Variants in SNAPC2 observed in about 807,000 individuals in gnomAD.
SNAPC2 encodes the protein snRNA-activating protein complex subunit 2.
SNAPC2 carries 27 observed loss-of-function variants against 22.9 expected under a neutral mutation model. The observed-to-expected ratio is 1.18, with a 90% CI of 0.87 to 1.63. The LOEUF is 1.63. Among genes scored for constraint, SNAPC2 ranks in the 40% most tolerant of loss-of-function variants. The pLI is 0.00. For missense variants in SNAPC2, 570 were observed against 449.1 expected (o/e 1.27, Z -2.43); for synonymous variants, 272 against 201.0 (o/e 1.35, Z -2.99).
chr19:7,921,461 C>G lies in SNAPC2; in HGVS notation c.222C>G (p.Ala74=). Residue 74 remains alanine (A), a synonymous_variant, in exon 2 of 5, where the codon GCC becomes GCG. Coordinates refer to ENST00000221573, the MANE Select transcript of SNAPC2 (RefSeq NM_003083.4). ...VFLQQLKGRV[A]REAIQKVHPG... ...TCCAGCAGCTCAAGGGCCGCGTAGC[C>G]CGGGAGGCCATTCAGAAAGTGCATC... is the stretch of plus-strand genomic sequence containing the variant. 1 of 1,613,842 alleles carries G rather than the reference C, an allele frequency of 6.2e-7. No individual in the cohort carries two copies. Among genetic ancestry groups the G allele is most frequent in the East Asian group, 2.2e-5 (1 of 44,884 alleles).
In SNAPC2 at chr19:7,922,193, C is replaced by T. The variant is rs773091798; in HGVS notation, c.531C>T (p.Ser177=). Reference sequence around the variant, plus strand: ...GCTCTGCCCCTGCTGCACCTAGCTCCGCACCCAGGACTCCTGACCCTGCCC... The same window carrying T: ...GCTCTGCCCCTGCTGCACCTAGCTCTGCACCCAGGACTCCTGACCCTGCCC... ...IPSSAPAAPS[S]APRTPDPAPE... Residue 177 remains serine (S), a synonymous_variant, in exon 4 of 5, where the codon TCC becomes TCT. Transcript: ENST00000221573. 25 of 1,614,028 alleles carry T rather than the reference C, an allele frequency of 1.5e-5. No homozygotes were observed. The East Asian group carries it at 1.6e-4, about 10-fold the overall frequency.
intron 2 of SNAPC2, 42 bp downstream of exon 2, chr19:7,921,584 C>T (rs771739530): frequency 1.9e-6 from 3 of 1,604,132 alleles, no homozygotes; most frequent in South Asian, 2.2e-5. Context: ...GGGCAGGTCC[C>T]TGGTGGGTAG....
At chr19:7,921,605 C>G in intron 2 of SNAPC2, 63 bp downstream of exon 2, 1 of 1,601,378 alleles carries the variant, frequency 6.2e-7, no homozygotes, top group African/African-American at 1.3e-5. Flanking sequence ...GTGGGAGTTG[C>G]GGGGGATAAC....
At chr19:7,920,779 A>T in intron 1 of SNAPC2, 1 of 135,816 alleles carries the variant, frequency 7.4e-6, no homozygotes, top group Non-Finnish European at 1.2e-5. Context: ...TGGGAGCTAG[A>T]CGTGGGCGGG....
chr19:7,922,620 G>A lies in SNAPC2; in HGVS notation c.861G>A (p.Lys287=), dbSNP rs1983624195. The part of the protein sequence containing the change: ...PAAEGDGAGS[K]APEETPPATE... ...CAGAAGGGGATGGGGCTGGCTCCAA[G>A]GCACCAGAGGAGACCCCCCCAGCCA... Residue 287 remains lysine (K), a synonymous_variant, in exon 5 of 5, where the codon AAG becomes AAA. Transcript: ENST00000221573. 1 of 1,613,566 alleles carries A rather than the reference G, an allele frequency of 6.2e-7. No individual in the cohort carries two copies. The highest frequency in any genetic ancestry group is 8.5e-7 in the Non-Finnish European group (1 of 1,179,932).
chr19:7,922,078 C>T lies in SNAPC2; in HGVS notation c.416C>T (p.Ser139Phe). The change falls in exon 4 of 5, where the codon TCC (serine) becomes TTC (phenylalanine). Residue 139 changes from serine (S) to phenylalanine (F), a missense_variant. By Grantham distance (155) the Ser-to-Phe change is radical. Coordinates refer to ENST00000221573, the MANE Select transcript of SNAPC2 (RefSeq NM_003083.4). The part of the protein sequence containing the change: ...AATEPVTLLH[S>F]KPPKPTQARG... Reference sequence around the variant, plus strand: ...ACGGAACCGGTCACCCTCCTGCACTCCAAGCCCCCCAAGCCCACGCAGGCC... The same window carrying T: ...ACGGAACCGGTCACCCTCCTGCACTTCAAGCCCCCCAAGCCCACGCAGGCC... 2 of 1,613,520 alleles carry T rather than the reference C, an allele frequency of 1.2e-6. No individual in the cohort carries two copies. Among genetic ancestry groups the T allele is most frequent in the Non-Finnish European group, 1.7e-6 (2 of 1,179,682 alleles).
Position 7,922,428 on chromosome 19 carries a change from C to G in SNAPC2, c.686-17C>G. ...GGCAGGGGTGTCCCCTTACCCCTCT[C>G]CTCCATCCATCACTAGAGTCCGCTG... On this transcript the variant is annotated splice_polypyrimidine_tract_variant and intron_variant, in intron 4 of 4. Transcript: ENST00000221573. 1 of 1,581,670 alleles carries G rather than the reference C, an allele frequency of 6.3e-7. No homozygotes were observed. Among genetic ancestry groups the G allele is most frequent in the East Asian group, 2.2e-5 (1 of 44,564 alleles).
At chr19:7,921,205 G>T (rs1983558959) in intron 1 of SNAPC2, 1 of 1,416,558 alleles carries the variant, frequency 7.1e-7, no homozygotes, top group African/African-American at 1.4e-5. Flanking sequence ...CTGCGTGAAG[G>T]AGCCGGAACT....
rs1560122 is a variant in SNAPC2 at position 7,922,952 on chromosome 19, G to T, written c.*188G>T. The T allele has an allele frequency of 0.036, 19,829 of 547,218 alleles. 505 individuals carry two copies. The highest frequency in any genetic ancestry group is 0.087 in the Admixed American group (2,520 of 28,946). The allele number at this position is 547,218 out of a possible 1,614,324, so 33.9% of individuals were successfully genotyped here. ...CAGAAATGGAACCCCCGTTGTACAG[G>T]GGTTGGGTGGGGGTTGCAGGACTCC... On this transcript the variant is annotated 3_prime_UTR_variant, in exon 5 of 5. Coordinates refer to ENST00000221573, the MANE Select transcript of SNAPC2 (RefSeq NM_003083.4).
In SNAPC2 at chr19:7,921,779, G is replaced by T; in HGVS notation, c.372+6G>T. On this transcript the variant is annotated splice_donor_region_variant and intron_variant, in intron 3 of 4. Coordinates refer to ENST00000221573, the MANE Select transcript of SNAPC2 (RefSeq NM_003083.4). ...TGGCAGTGGCTTTCTCGCAGGTACC[G>T]CCATTCCCCCAGGCAGGTCAGGGTG... 1.9e-6 allele frequency: 3 copies of T among 1,611,254 alleles called. No homozygotes were observed. Among genetic ancestry groups the T allele is most frequent in the Non-Finnish European group, 1.7e-6 (2 of 1,178,402 alleles).
chr19:7,922,601 G>A lies in SNAPC2; in HGVS notation c.842G>A (p.Gly281Glu), dbSNP rs1420012354. ...GGGAGCCTGGGGCCTGCAGCAGAAGGGGATGGGGCTGGCTCCAAGGCACCA... is the reference window on the plus strand; with the variant it reads ...GGGAGCCTGGGGCCTGCAGCAGAAGAGGATGGGGCTGGCTCCAAGGCACCA... Reference protein sequence around the residue: ...AGGSLGPAAEGDGAGSKAPEE... With the variant: ...AGGSLGPAAEEDGAGSKAPEE... Residue 281 changes from glycine to glutamate, a missense_variant, in exon 5 of 5, where the codon GGG (glycine) becomes GAG (glutamate). Coordinates refer to ENST00000221573, the MANE Select transcript of SNAPC2 (RefSeq NM_003083.4). 2.5e-6 allele frequency: 4 copies of A among 1,613,540 alleles called. No homozygotes were observed. In the African/African-American group the frequency reaches 5.3e-5, roughly 22 times the overall value.
At chr19:7,920,931 C>G (rs1599639994) in intron 1 of SNAPC2, 8 of 847,376 alleles carry the variant, frequency 9.4e-6, no homozygotes, top group Non-Finnish European at 1.1e-5. Context: ...GACTTAAGGG[C>G]GGGGCCGTTT....
chr19:7,920,439 A>G lies in SNAPC2; in HGVS notation c.73A>G (p.Ser25Gly). 4 of 1,567,268 alleles carry G rather than the reference A, an allele frequency of 2.6e-6. No homozygotes were observed. Among genetic ancestry groups the G allele is most frequent in the Non-Finnish European group, 3.4e-6 (4 of 1,165,302 alleles). Reference sequence around the variant, plus strand: ...CGAGGTGACCGGTCCCGCGACCTGGAGCGCTCGCGAGAAGCGGCAGCTAGT... The same window carrying G: ...CGAGGTGACCGGTCCCGCGACCTGGGGCGCTCGCGAGAAGCGGCAGCTAGT... ...LGEVTGPATW[S>G]AREKRQLVRL... The change falls in exon 1 of 5, where the codon AGC (serine) becomes GGC (glycine). Residue 25 changes from serine (S) to glycine (G), a missense_variant. Ser to Gly is a moderately conservative substitution (Grantham distance 56). Coordinates refer to ENST00000221573, the MANE Select transcript of SNAPC2 (RefSeq NM_003083.4).
intron 1 of SNAPC2, chr19:7,921,150 A>G (rs1599640152): frequency 1.5e-6 from 2 of 1,375,148 alleles, no homozygotes; most frequent in African/African-American, 2.9e-5. Flanking sequence ...GGGGACGAAG[A>G]AGGGAGTTGA....
At position 7,923,120 on chromosome 19, in the gene SNAPC2, T is replaced by C. The variant is rs574582526; in HGVS notation, c.*356T>C. ...GGCCCTCGCACATTTTCCCCCTTCC[T>C]GTACACCTCGGGGCCAGCATCCTCA... On this transcript the variant is annotated 3_prime_UTR_variant, in exon 5 of 5. Coordinates refer to ENST00000221573, the MANE Select transcript of SNAPC2 (RefSeq NM_003083.4). The C allele has an allele frequency of 8.8e-5, 22 of 250,088 alleles. No individual in the cohort carries two copies. In the Admixed American group the frequency reaches 1.1e-3, roughly 12 times the overall value. The allele number at this position is 250,088 out of a possible 1,614,324, so 15.5% of individuals were successfully genotyped here. A position where few individuals can be genotyped will look rare whatever the true frequency, so the allele number is the denominator to read the frequency against.
chr19:7,922,193 C>G lies in SNAPC2; in HGVS notation c.531C>G (p.Ser177=), dbSNP rs773091798. ...IPSSAPAAPS[S]APRTPDPAPE... is the part of the protein sequence containing the mutation. Reference sequence around the variant, plus strand: ...GCTCTGCCCCTGCTGCACCTAGCTCCGCACCCAGGACTCCTGACCCTGCCC... The same window carrying G: ...GCTCTGCCCCTGCTGCACCTAGCTCGGCACCCAGGACTCCTGACCCTGCCC... Residue 177 remains serine (S), a synonymous_variant, in exon 4 of 5, where the codon TCC becomes TCG. Coordinates refer to ENST00000221573, the MANE Select transcript of SNAPC2 (RefSeq NM_003083.4). 1.9e-6 allele frequency: 3 copies of G among 1,614,028 alleles called. No individual in the cohort carries two copies. Among genetic ancestry groups the G allele is most frequent in the Non-Finnish European group, 2.5e-6 (3 of 1,180,028 alleles).
intron 3 of SNAPC2, 85 bp from the exon 4 acceptor site, chr19:7,921,950 T>C: frequency 6.8e-7 from 1 of 1,471,690 alleles, no homozygotes; most frequent in Non-Finnish European, 9.3e-7. Flanking sequence ...AGGAGCATCT[T>C]AGGGTGGCAG....
rs773423777 is a variant in SNAPC2, at chr19:7,922,338, T to C, written c.676T>C (p.Ser226Pro). 8.1e-6 allele frequency: 13 copies of C among 1,613,046 alleles called. No individual in the cohort carries two copies. In the South Asian group the frequency reaches 1.4e-4, roughly 18 times the overall value. Residue 226 changes from serine (S) to proline (P), a missense_variant, in exon 4 of 5, where the codon TCA becomes CCA. By Grantham distance (74) the Ser-to-Pro change is moderately conservative. Transcript: ENST00000221573. Reference sequence around the variant, plus strand: ...CCGAAGTGGCCGCAGCCCCGAGCTCTCAGCAGCTGGTGAGAAGGGTGAGGG... The same window carrying C: ...CCGAAGTGGCCGCAGCCCCGAGCTCCCAGCAGCTGGTGAGAAGGGTGAGGG... ...VSRSGRSPEL[S>P]AAESAVVLDL... is the part of the protein sequence containing the mutation.
rs562999658 is a variant in SNAPC2, at chr19:7,923,148, T to A, written c.*384T>A. 2.5e-3 allele frequency: 501 copies of A among 204,126 alleles called. 1 individual carries two copies. The highest frequency in any genetic ancestry group is 2.5e-3 in the Non-Finnish European group (254 of 102,494). 12.6% of individuals were successfully genotyped at this position (204,126 alleles called of 1,614,324 possible). On this transcript the variant is annotated 3_prime_UTR_variant, in exon 5 of 5. Coordinates refer to ENST00000221573, the MANE Select transcript of SNAPC2 (RefSeq NM_003083.4). The stretch of plus-strand genomic sequence containing the variant: ...ACACCTCGGGGCCAGCATCCTCACC[T>A]TCTTCAACTGACCAGTCGTGGTTAC...
Sources: allele counts gnomAD v4.1 joint callset, GRCh38; gene constraint gnomAD v4.1.1; transcripts MANE v1.5; gene names NCBI Gene and HGNC (gene_info 2026-07-23, HGNC 2026-07-21).